The following CDH20 variants were observed in gnomAD, a reference collection of about 807,000 sequenced individuals.
The protein encoded by CDH20 is cadherin 20.
Under a neutral mutation model 74.2 loss-of-function variants are expected in CDH20, and 29 were observed. The observed-to-expected ratio is 0.39, with a 90% CI of 0.29 to 0.53. The LOEUF (loss-of-function observed/expected upper bound fraction) is 0.53. CDH20 is among the 20% of genes least tolerant of loss of function. CDH20 has a pLI of 0.69. For missense variants in CDH20, 988 were observed against 1,048.3 expected (o/e 0.94, Z 0.79); for synonymous variants, 469 against 405.4 (o/e 1.16, Z -1.88).
intron 1 of CDH20, among the ~76,000 whole-genome samples, chr18:61,447,399 G>C (rs112045016): frequency 6.6e-6 from 1 of 152,162 alleles, no homozygotes; most frequent in African/African-American, 2.4e-5. Context: ...ATGGTTATGC[G>C]GGGAAGATAT....
At chr18:61,462,045 G>A (rs1048160217) in intron 1 of CDH20, among the ~76,000 whole-genome samples, 3 of 152,082 alleles carry the variant, frequency 2.0e-5, no homozygotes, top group Admixed American at 2.0e-4. Flanking sequence ...CCAATCAGAG[G>A]TACTCTCAAT....
At position 61,503,116 on chromosome 18, in the gene CDH20, C is replaced by T. The variant is rs1185962235; in HGVS notation, c.825C>T (p.Pro275=). Residue 275 remains proline (P), a synonymous_variant, in exon 5 of 12, where the codon CCC becomes CCT. Coordinates refer to ENST00000262717, the MANE Select transcript of CDH20 (RefSeq NM_031891.4). ...SDVNDNPPRF[P]QKHYQMSVLE... is the part of the protein sequence containing the mutation. ...TCAATGATAACCCACCCCGCTTTCC[C>T]CAGAGTGAGTACCTAACCCAAGAGA... is the stretch of plus-strand genomic sequence containing the variant. 1 of 1,605,188 alleles carries T rather than the reference C, an allele frequency of 6.2e-7. No homozygotes were observed. Among genetic ancestry groups the T allele is most frequent in the South Asian group, 1.1e-5 (1 of 89,266 alleles).
intron 3 of CDH20, among the ~76,000 whole-genome samples, chr18:61,499,986 C>T (rs1911308676): frequency 1.3e-5 from 2 of 151,534 alleles, no homozygotes; most frequent in African/African-American, 2.4e-5. Context: ...CACCTATAGT[C>T]CCAGCTACTC....
intron 1 of CDH20, among the ~76,000 whole-genome samples, chr18:61,378,041 T>C (rs1369086318): frequency 6.6e-6 from 1 of 152,164 alleles, no homozygotes; most frequent in Admixed American, 6.6e-5. Flanking sequence ...GTTTTCCTAG[T>C]AGATTCCCAA....
chr18:61,337,102 C>T (rs1046358216), intron 1 of CDH20, among the ~76,000 whole-genome samples: 5 of 151,978 alleles, frequency 3.3e-5, no homozygotes, highest in East Asian at 1.9e-4. Context: ...TGCAGGGTGG[C>T]GAAAATAAGA....
At chr18:61,421,901 G>A (rs1288450569) in intron 1 of CDH20, among the ~76,000 whole-genome samples, 3 of 151,984 alleles carry the variant, frequency 2.0e-5, no homozygotes, top group South Asian at 2.1e-4. Context: ...AATGAGGGGG[G>A]AAAATTCAGT....
intron 1 of CDH20, among the ~76,000 whole-genome samples, chr18:61,355,387 C>T (rs1910465001): frequency 6.6e-6 from 1 of 152,268 alleles, no homozygotes; most frequent in South Asian, 2.1e-4. Context: ...GACTAAAGGA[C>T]TCCAAAGGTT....
chr18:61,453,346 C>T (rs757005921), intron 1 of CDH20, among the ~76,000 whole-genome samples: 20 of 152,144 alleles, frequency 1.3e-4, no homozygotes, highest in Non-Finnish European at 1.9e-4. Flanking sequence ...GGCACAATCT[C>T]GGCTCACTGC....
At chr18:61,348,178 G>A (rs1403537310) in intron 1 of CDH20, among the ~76,000 whole-genome samples, 2 of 152,126 alleles carry the variant, frequency 1.3e-5, no homozygotes, top group Non-Finnish European at 2.9e-5. Context: ...TGTGCCAAAT[G>A]TGTTACTTTC....
Position 61,555,348 on chromosome 18 carries a change from G to T in CDH20, c.*653G>T. Reference sequence around the variant, plus strand: ...CTCAAGTTTAGTGGCTGAACCAAGAGATGTTGGCATTACAGCTCATCCAAC... The same window carrying T: ...CTCAAGTTTAGTGGCTGAACCAAGATATGTTGGCATTACAGCTCATCCAAC... On this transcript the variant is annotated 3_prime_UTR_variant, in exon 12 of 12. Transcript: ENST00000262717. 1 of 985,574 alleles carries T rather than the reference G, an allele frequency of 1.0e-6. No homozygotes were observed. The allele number at this position is 985,574 out of a possible 1,614,324, so 61.1% of individuals were successfully genotyped here.
At chr18:61,545,328 G>A (rs548009450) in intron 10 of CDH20, among the ~76,000 whole-genome samples, 184 bp downstream of exon 10, 1 of 145,318 alleles carries the variant, frequency 6.9e-6, no homozygotes, top group African/African-American at 2.6e-5. Context: ...GGTTGGTCTT[G>A]AACTCTTGGC....
intron 1 of CDH20, among the ~76,000 whole-genome samples, chr18:61,401,076 C>T (rs1437209896): frequency 6.6e-6 from 1 of 152,156 alleles, no homozygotes; most frequent in Admixed American, 6.6e-5. Flanking sequence ...CTATGCTCTC[C>T]GTGCAGCTGC....
At chr18:61,522,265 T>C (rs971868865) in intron 6 of CDH20, among the ~76,000 whole-genome samples, 5 of 151,996 alleles carry the variant, frequency 3.3e-5, no homozygotes, top group Admixed American at 1.3e-4. Flanking sequence ...AGAATTCCTA[T>C]ACACCAATAA....
chr18:61,441,387 G>A (rs1909027707), intron 1 of CDH20, among the ~76,000 whole-genome samples: 1 of 152,098 alleles, frequency 6.6e-6, no homozygotes, highest in Admixed American at 6.5e-5. Context: ...AGTACTAAGT[G>A]AAACATATTT....
At chr18:61,450,887 C>T (rs1909363657) in intron 1 of CDH20, among the ~76,000 whole-genome samples, 2 of 151,986 alleles carry the variant, frequency 1.3e-5, no homozygotes, top group African/African-American at 2.4e-5. Context: ...TTGGTGAACA[C>T]TTACATTTTT....
rs553375396 is a variant in CDH20 at position 61,494,229 on chromosome 18, C to T, written c.246+3430C>T. ...ACATTGCCTTGTCTGTGGTCAGTGG[C>T]TTTAGACTAAGCCCAGAGGACACAC... On this transcript the variant is annotated intron_variant, in intron 2 of 11. Coordinates refer to ENST00000262717, the MANE Select transcript of CDH20 (RefSeq NM_031891.4). Among the ~76,000 whole-genome samples the T allele has an allele frequency of 2.0e-5, 3 of 152,308 alleles. No individual in the cohort carries two copies. In the South Asian group the frequency reaches 6.2e-4, roughly 32 times the overall value.
intron 11 of CDH20, 112 bp from the exon 12 acceptor site, chr18:61,554,078 C>T: frequency 7.8e-7 from 1 of 1,277,884 alleles, no homozygotes; most frequent in Non-Finnish European, 1.1e-6. Flanking sequence ...TATCTCTGAG[C>T]CCTCCACTCG....
chr18:61,465,213 T>C (rs907496424), intron 1 of CDH20, among the ~76,000 whole-genome samples: 7 of 152,172 alleles, frequency 4.6e-5, no homozygotes, highest in African/African-American at 1.7e-4. Flanking sequence ...CTGCAGGAAC[T>C]GGAACACCTT....
chr18:61,424,537 G>C (rs1335113537), intron 1 of CDH20, among the ~76,000 whole-genome samples: 1 of 152,196 alleles, frequency 6.6e-6, no homozygotes, highest in African/African-American at 2.4e-5. Flanking sequence ...TCATGCTATG[G>C]AAAATTGTAA....
Sources: gnomAD v4.1 joint callset for allele counts (sites outside exome capture counted in the v4.1 genomes callset) on GRCh38, gnomAD v4.1.1 for gene constraint, MANE v1.5 for transcripts, NCBI Gene and HGNC (gene_info 2026-07-23, HGNC 2026-07-21) for gene names.